Variants in CATSPERT observed in about 807,000 individuals in gnomAD.
The protein encoded by CATSPERT is catsper channel auxiliary subunit tau.
the CATSPERT span, among the ~76,000 whole-genome samples, chr2:201,544,105 G>A: frequency 2.7e-4 from 41 of 152,176 alleles, no homozygotes; most frequent in African/African-American, 7.9e-4. Flanking sequence ...GAGAACATGC[G>A]GTGTTCGTTT....
At chr2:201,582,127 T>C in the CATSPERT span, 6 of 1,608,920 alleles carry the variant, frequency 3.7e-6, no homozygotes, top group Non-Finnish European at 4.2e-6. Flanking sequence ...ATCTGAACAC[T>C]CCCTAACAAG....
chr2:201,588,491 A>C, the CATSPERT span, among the ~76,000 whole-genome samples: 1 of 149,010 alleles, frequency 6.7e-6, no homozygotes, highest in Non-Finnish European at 1.5e-5. Flanking sequence ...TTGAAGGACC[A>C]TACCTCAGAA....
chr2:201,493,414 T>C, the CATSPERT span: 1 of 1,537,186 alleles, frequency 6.5e-7, no homozygotes, highest in Non-Finnish European at 8.7e-7. Context: ...TTCTGAATAA[T>C]ACTCTTGGGA....
the CATSPERT span, among the ~76,000 whole-genome samples, chr2:201,613,348 C>T: frequency 6.6e-6 from 1 of 152,302 alleles, no homozygotes; most frequent in Non-Finnish European, 1.5e-5. Context: ...CCCTCTGAGA[C>T]AACGCTTCCA....
chr2:201,594,746 T>TA, the CATSPERT span, among the ~76,000 whole-genome samples: 1 of 152,184 alleles, frequency 6.6e-6, no homozygotes, highest in Non-Finnish European at 1.5e-5. Context: ...CCATTGCTGA[T>TA]ACCTTTTCTT....
the CATSPERT span, among the ~76,000 whole-genome samples, chr2:201,586,718 A>G: frequency 6.7e-6 from 1 of 150,106 alleles, no homozygotes; most frequent in African/African-American, 2.4e-5. Flanking sequence ...TTATACCTAT[A>G]TTCCAAATTT....
the CATSPERT span, among the ~76,000 whole-genome samples, chr2:201,571,005 T>C: frequency 1.3e-5 from 2 of 152,178 alleles, no homozygotes; most frequent in Admixed American, 6.5e-5. Flanking sequence ...GGGCTTTTAT[T>C]CCATTGGCAT....
At chr2:201,591,609 A>G in the CATSPERT span, among the ~76,000 whole-genome samples, 1 of 152,126 alleles carries the variant, frequency 6.6e-6, no homozygotes, top group African/African-American at 2.4e-5. Context: ...GATTCTTCCT[A>G]CCCATGAGCA....
chr2:201,494,535 C>CTTA, the CATSPERT span: 1 of 1,536,848 alleles, frequency 6.5e-7, no homozygotes, highest in East Asian at 2.4e-5. Flanking sequence ...CAGTTTCTAA[C>CTTA]ATCTTTGTTG....
chr2:201,584,965 C>T, the CATSPERT span, among the ~76,000 whole-genome samples: 3 of 151,936 alleles, frequency 2.0e-5, no homozygotes, highest in Admixed American at 6.6e-5. Context: ...GAGGAAGATA[C>T]ATTATTTTCA....
At chr2:201,565,714 T>C in the CATSPERT span, 1 of 1,506,080 alleles carries the variant, frequency 6.6e-7, no homozygotes, top group Non-Finnish European at 8.8e-7. Flanking sequence ...AATTTTTTTT[T>C]TTTTTTTTTT....
the CATSPERT span, among the ~76,000 whole-genome samples, chr2:201,593,859 A>T: frequency 2.6e-5 from 4 of 150,954 alleles, no homozygotes; most frequent in African/African-American, 9.8e-5. Context: ...TTTTATTTTG[A>T]GCCTATGTGT....
chr2:201,499,817 A>G, the CATSPERT span, among the ~76,000 whole-genome samples: 1 of 150,360 alleles, frequency 6.7e-6, no homozygotes, highest in South Asian at 2.1e-4. Context: ...TGTGCAACAG[A>G]GTGAGACCCT....
the CATSPERT span, chr2:201,603,193 A>C: frequency 6.3e-7 from 1 of 1,589,564 alleles, no homozygotes; most frequent in East Asian, 2.2e-5. Context: ...AGATATAATT[A>C]CTATGATTCT....
chr2:201,581,597 C>CATAT, the CATSPERT span, among the ~76,000 whole-genome samples: 1 of 52,010 alleles, frequency 1.9e-5, no homozygotes, highest in Non-Finnish European at 3.7e-5. Flanking sequence ...TATATATACA[C>CATAT]ATACATATTC....
chr2:201,611,694 A>C, the CATSPERT span, among the ~76,000 whole-genome samples: 1 of 36,634 alleles, frequency 2.7e-5, no homozygotes, highest in East Asian at 1.8e-3. Flanking sequence ...CACTATCAAC[A>C]GTCAAAAAAA....
the CATSPERT span, among the ~76,000 whole-genome samples, chr2:201,502,755 T>C: frequency 6.6e-6 from 1 of 152,144 alleles, no homozygotes; most frequent in African/African-American, 2.4e-5. Flanking sequence ...ATTGAGCTTC[T>C]CAGATATGTG....
chr2:201,605,493 C>T, the CATSPERT span, among the ~76,000 whole-genome samples: 1 of 152,106 alleles, frequency 6.6e-6, no homozygotes, highest in Non-Finnish European at 1.5e-5. Flanking sequence ...AAGAGAACAA[C>T]AGGTTATGCC....
the CATSPERT span, among the ~76,000 whole-genome samples, chr2:201,612,576 T>C: frequency 1.5e-5 from 1 of 68,826 alleles, no homozygotes; most frequent in Non-Finnish European, 2.9e-5. Context: ...TGAGACTCCA[T>C]CTTGGAAAAA....
Sources: gnomAD v4.1 joint callset for allele counts (sites outside exome capture counted in the v4.1 genomes callset) on GRCh38, gnomAD v4.1.1 for gene constraint, MANE v1.5 for transcripts, NCBI Gene and HGNC (gene_info 2026-07-23, HGNC 2026-07-21) for gene names.